KIF16B: variants seen among roughly 807,000 people sequenced by gnomAD.
The protein encoded by KIF16B is kinesin family member 16B.
A neutral mutation model predicts 156.3 loss-of-function variants in KIF16B; 98 were observed. The ratio of observed to expected loss-of-function variants is 0.63; its 90% CI spans 0.53 to 0.74. The LOEUF is 0.74. Among genes scored for constraint, KIF16B ranks in the 30% least tolerant of loss-of-function variants. KIF16B has a pLI of 0.00. For synonymous variants in KIF16B, 564 were observed against 583.7 expected, an observed-to-expected ratio of 0.97 and a Z score of 0.49; for missense variants, 1,421 against 1,606.5, an observed-to-expected ratio of 0.88 and a Z score of 1.97.
chr20:16,350,268 T>C (rs1023626304), intron 23 of KIF16B, among the ~76,000 whole-genome samples: 2 of 152,148 alleles, frequency 1.3e-5, no homozygotes, highest in Non-Finnish European at 2.9e-5. Flanking sequence ...CCTGCAGCCA[T>C]GTGAGAAAAG....
intron 25 of KIF16B, among the ~76,000 whole-genome samples, chr20:16,285,733 C>T (rs1046799645): frequency 6.6e-6 from 1 of 152,156 alleles, no homozygotes; most frequent in Non-Finnish European, 1.5e-5. Context: ...GGGAGGATCA[C>T]CTGAGTCCAG....
At chr20:16,542,558 G>C (rs1254461856) in intron 1 of KIF16B, among the ~76,000 whole-genome samples, 3 of 152,200 alleles carry the variant, frequency 2.0e-5, no homozygotes, top group Non-Finnish European at 4.4e-5. Flanking sequence ...ACCTCTCTAA[G>C]GGGGTGAGAT....
rs190465215 is a variant in KIF16B at position 16,462,276 on chromosome 20, G to A, written c.1302+32015C>T. The stretch of plus-strand genomic sequence containing the variant: ...AAGTTCAGATCTTCAACTTCCATAT[G>A]TACACTTTTCTAAAATGTGTCTACC... On this transcript the variant is annotated intron_variant, in intron 12 of 25. Transcript: ENST00000354981. Among the ~76,000 whole-genome samples the A allele has an allele frequency of 6.3e-3, 961 of 151,918 alleles. 3 individuals carry two copies. Among genetic ancestry groups the A allele is most frequent in the Non-Finnish European group, 9.3e-3 (633 of 67,968 alleles).
At chr20:16,537,946 C>T (rs2070043239) in intron 1 of KIF16B, among the ~76,000 whole-genome samples, 1 of 152,068 alleles carries the variant, frequency 6.6e-6, no homozygotes, top group Admixed American at 6.5e-5. Flanking sequence ...TCAAGTAATC[C>T]ACACACCTTG....
At chr20:16,495,008 T>C (rs1460175722) in intron 11 of KIF16B, among the ~76,000 whole-genome samples, 1 of 152,210 alleles carries the variant, frequency 6.6e-6, no homozygotes, top group African/African-American at 2.4e-5. Flanking sequence ...TCAAAGTTAA[T>C]GGTAATGTTT....
intron 25 of KIF16B, among the ~76,000 whole-genome samples, chr20:16,277,987 G>A (rs1264098139): frequency 1.3e-5 from 2 of 152,228 alleles, no homozygotes; most frequent in Non-Finnish European, 2.9e-5. Flanking sequence ...ACTGAGAACA[G>A]CAAAAGCACC....
intron 22 of KIF16B, among the ~76,000 whole-genome samples, chr20:16,358,521 G>C (rs950554495): frequency 1.3e-5 from 2 of 152,164 alleles, no homozygotes; most frequent in African/African-American, 4.8e-5. Flanking sequence ...TCTGGGACTT[G>C]GTCTTGGAGT....
chr20:16,573,177 T>TC, intron 1 of KIF16B, 52 bp downstream of exon 1: 2 of 1,495,818 alleles, frequency 1.3e-6, no homozygotes. Context: ...GAAACAGGCT[T>TC]CCTCTGGGTG....
At chr20:16,553,945 C>A (rs745967950) in intron 1 of KIF16B, among the ~76,000 whole-genome samples, 1 of 152,210 alleles carries the variant, frequency 6.6e-6, no homozygotes, top group African/African-American at 2.4e-5. Flanking sequence ...CAGTCCACAG[C>A]CACTTCAGCC....
At chr20:16,526,251 G>T in intron 2 of KIF16B, 46 bp from the exon 3 acceptor site, 1 of 1,069,444 alleles carries the variant, frequency 9.4e-7, no homozygotes, top group Non-Finnish European at 1.3e-6. Flanking sequence ...AAAGAGCACT[G>T]CCATTTGACC....
intron 17 of KIF16B, among the ~76,000 whole-genome samples, chr20:16,383,068 G>A (rs1254736226): frequency 2.6e-5 from 4 of 152,054 alleles, no homozygotes; most frequent in Non-Finnish European, 5.9e-5. Flanking sequence ...ATCATGGCTC[G>A]TTGCAGCCTT....
At chr20:16,458,744 A>G in intron 12 of KIF16B, among the ~76,000 whole-genome samples, 1 of 151,968 alleles carries the variant, frequency 6.6e-6, no homozygotes, top group Non-Finnish European at 1.5e-5. Flanking sequence ...ATGTACAGGT[A>G]TATACACACA....
intron 1 of KIF16B, among the ~76,000 whole-genome samples, chr20:16,551,749 TGCAATCAA>T (rs1267045383): frequency 4.6e-5 from 7 of 152,140 alleles, no homozygotes; most frequent in Non-Finnish European, 7.3e-5. Flanking sequence ...CAGTGTTCCT[TGCAATCAA>T]GCATAGACAG....
intron 25 of KIF16B, among the ~76,000 whole-genome samples, chr20:16,279,522 G>T (rs2063114632): frequency 6.6e-6 from 1 of 152,168 alleles, no homozygotes; most frequent in African/African-American, 2.4e-5. Flanking sequence ...AGCGCTGGCA[G>T]GGGGCAGACA....
chr20:16,294,680 C>T (rs2122524407), intron 25 of KIF16B, among the ~76,000 whole-genome samples: 1 of 151,376 alleles, frequency 6.6e-6, no homozygotes, highest in East Asian at 1.9e-4. Context: ...AGCTAACAGA[C>T]CTGGTGGGGT....
intron 1 of KIF16B, among the ~76,000 whole-genome samples, chr20:16,551,867 A>G (rs1242675864): frequency 6.6e-6 from 1 of 152,138 alleles, no homozygotes; most frequent in Non-Finnish European, 1.5e-5. Context: ...CAGGAGGGCA[A>G]AGGAAGGCTC....
intron 22 of KIF16B, among the ~76,000 whole-genome samples, chr20:16,366,635 A>G (rs1298075340): frequency 1.3e-5 from 2 of 152,218 alleles, no homozygotes; most frequent in East Asian, 3.9e-4. Context: ...ATGGGAGGAC[A>G]CTTTCAATCC....
chr20:16,562,734 A>T (rs1194646434), intron 1 of KIF16B, among the ~76,000 whole-genome samples: 1 of 152,234 alleles, frequency 6.6e-6, no homozygotes, highest in Non-Finnish European at 1.5e-5. Context: ...TCACACATAC[A>T]CACACGTATA....
chr20:16,276,062 T>C (rs2063056740), intron 25 of KIF16B, among the ~76,000 whole-genome samples: 2 of 152,238 alleles, frequency 1.3e-5, no homozygotes, highest in Admixed American at 6.5e-5. Context: ...TCATCTCAGG[T>C]AGCTCCTGTG....
Sources: gnomAD v4.1 joint callset for allele counts (sites outside exome capture counted in the v4.1 genomes callset) on GRCh38, gnomAD v4.1.1 for gene constraint, MANE v1.5 for transcripts, NCBI Gene and HGNC (gene_info 2026-07-23, HGNC 2026-07-21) for gene names.